SASH1: variants seen among roughly 807,000 people sequenced by gnomAD.
SASH1 encodes SAM and SH3 domain containing 1.
SASH1 carries 44 observed loss-of-function variants against 125.2 expected under a neutral mutation model. The ratio of observed to expected loss-of-function variants is 0.35; its 90% confidence interval spans 0.28 to 0.45. SASH1 has a LOEUF of 0.45. Among genes scored for constraint, SASH1 ranks in the 20% least tolerant of loss-of-function variants. The pLI is 1.00. For missense variants in SASH1, 1,426 were observed against 1,614.5 expected, an observed-to-expected ratio of 0.88 and a Z score of 2.00; for synonymous variants, 639 against 649.1, an observed-to-expected ratio of 0.98 and a Z score of 0.24.
chr6:148,271,374 A>G (rs1405835543), upstream of SASH1, among the ~76,000 whole-genome samples: 2 of 152,186 alleles, frequency 1.3e-5, no homozygotes, highest in Admixed American at 6.5e-5. Flanking sequence ...TGTCACACTC[A>G]CAATATTAAT....
intron 4 of SASH1, among the ~76,000 whole-genome samples, chr6:148,462,083 T>G (rs1270765850): frequency 6.6e-6 from 1 of 152,158 alleles, no homozygotes; most frequent in African/African-American, 2.4e-5. Flanking sequence ...GGGACTGCCT[T>G]GGCAGGCCTG....
chr6:148,470,178 A>C (rs1248790486), intron 5 of SASH1, among the ~76,000 whole-genome samples: 2 of 152,258 alleles, frequency 1.3e-5, no homozygotes, highest in East Asian at 3.8e-4. Context: ...GCCCAAAGGC[A>C]GTGGGTGATA....
At chr6:148,239,776 GCTT>G in the SASH1 span, among the ~76,000 whole-genome samples, 2 of 151,500 alleles carry the variant, frequency 1.3e-5, no homozygotes, top group African/African-American at 4.9e-5. Context: ...CTATAATAGT[GCTT>G]CTTTTTTATT....
chr6:148,512,684 C>T, intron 8 of SASH1: 1 of 985,256 alleles, frequency 1.0e-6, no homozygotes, highest in South Asian at 4.7e-5. Flanking sequence ...AGCCTGTCCC[C>T]ACCGTTACCT....
chr6:148,544,349 C>A lies in SASH1; in HGVS notation c.2879C>A (p.Thr960Lys), dbSNP rs938733662. ...GHRKGHEFEG[T>K]HHPLGTKEGV... ...AGAAAAGGACACGAGTTTGAAGGAA[C>A]ACACCATCCCCTGGGCACCAAAGAA... The change falls in exon 18 of 20, where the codon ACA becomes AAA. Residue 960 changes from threonine (T) to lysine (K), a missense_variant. By Grantham distance (78) the Thr-to-Lys change is moderately conservative (BLOSUM62 -1). Coordinates refer to ENST00000367467, the MANE Select transcript of SASH1 (RefSeq NM_015278.5). The surrounding 1 kb of genome is among the most constrained non-coding windows in gnomAD (Gnocchi z 6.4). 4 of 1,614,178 alleles carry A rather than the reference C, an allele frequency of 2.5e-6. No homozygotes were observed. The highest frequency in any genetic ancestry group is 3.4e-6 in the Non-Finnish European group (4 of 1,180,040).
At chr6:148,362,984 T>A (rs1782297518) in intron 1 of SASH1, among the ~76,000 whole-genome samples, 1 of 151,852 alleles carries the variant, frequency 6.6e-6, no homozygotes, top group Non-Finnish European at 1.5e-5. Context: ...GGAGAGAGGG[T>A]GTGGAGAGAA....
chr6:148,535,302 G>T (rs1781775860), intron 16 of SASH1, among the ~76,000 whole-genome samples: 2 of 152,172 alleles, frequency 1.3e-5, no homozygotes, highest in South Asian at 2.1e-4. Flanking sequence ...TGGAATTACA[G>T]TTTTCCCAAA....
chr6:148,252,311 C>T, the SASH1 span, among the ~76,000 whole-genome samples: 1 of 151,948 alleles, frequency 6.6e-6, no homozygotes, highest in Admixed American at 6.6e-5. Context: ...ACATTATAAC[C>T]TATAACAAGC....
intron 2 of SASH1, among the ~76,000 whole-genome samples, chr6:148,407,140 CA>C (rs376127995): frequency 2.2e-4 from 34 of 152,250 alleles, no homozygotes; most frequent in African/African-American, 7.9e-4. Context: ...TCAGTGACAG[CA>C]TAATCACATG....
At chr6:148,433,163 A>G (rs1409665343) in intron 2 of SASH1, among the ~76,000 whole-genome samples, 2 of 152,226 alleles carry the variant, frequency 1.3e-5, no homozygotes, top group Non-Finnish European at 2.9e-5. Context: ...CCAATCTGAC[A>G]ATAAATGCAT....
intron 1 of SASH1, among the ~76,000 whole-genome samples, chr6:148,328,501 G>A (rs950850765): frequency 3.3e-5 from 5 of 151,958 alleles, no homozygotes; most frequent in Non-Finnish European, 5.9e-5. Flanking sequence ...GCTGAGGCAG[G>A]AGAATTGCTT....
chr6:148,467,724 G>C (rs1342282244), intron 4 of SASH1, among the ~76,000 whole-genome samples: 1 of 152,134 alleles, frequency 6.6e-6, no homozygotes, highest in Admixed American at 6.5e-5. Flanking sequence ...ATTGCATGAG[G>C]TCAGGAGTTC....
At chr6:148,493,534 CA>C (rs1444465514) in intron 8 of SASH1, among the ~76,000 whole-genome samples, 1 of 152,170 alleles carries the variant, frequency 6.6e-6, no homozygotes, top group Non-Finnish European at 1.5e-5. Context: ...ATGCCCAGGC[CA>C]TGAAAGTTTT....
intron 2 of SASH1, among the ~76,000 whole-genome samples, chr6:148,392,935 C>T (rs1458204038): frequency 6.6e-6 from 1 of 152,062 alleles, no homozygotes; most frequent in Non-Finnish European, 1.5e-5. Flanking sequence ...TCATTAGGCT[C>T]TCCTGTTGAA....
chr6:148,407,884 C>T (rs538793566), intron 2 of SASH1, among the ~76,000 whole-genome samples: 6 of 152,212 alleles, frequency 3.9e-5, no homozygotes, highest in African/African-American at 9.6e-5. Context: ...CCACCCGCCT[C>T]GGCCTCCCAA....
At chr6:148,451,144 T>A (rs960576332) in intron 4 of SASH1, among the ~76,000 whole-genome samples, 1 of 152,228 alleles carries the variant, frequency 6.6e-6, no homozygotes, top group African/African-American at 2.4e-5. Context: ...TTTTCTTCAG[T>A]GTCCAGAATA....
chr6:148,285,521 G>A (rs1476649845), intron 1 of SASH1, among the ~76,000 whole-genome samples: 1 of 152,166 alleles, frequency 6.6e-6, no homozygotes. Context: ...CAGTATTGAT[G>A]CTGCCCTTGC....
chr6:148,291,636 A>G lies in SASH1; in HGVS notation n.74+19259A>G, dbSNP rs375222538. On this transcript the variant is annotated intron_variant and non_coding_transcript_variant, in intron 1 of 3. Coordinates refer to the SASH1 transcript ENST00000367469. ...GAGGTCAATGCTGCATTGAGTTGTG[A>G]TCACACCGCTGCACTCTAGCCTGGG... 3.0e-4 allele frequency among the ~76,000 whole-genome samples: 46 copies of G among 152,242 alleles called. No homozygotes were observed. The South Asian group carries it at 9.3e-3, about 31-fold the overall frequency.
the SASH1 span, among the ~76,000 whole-genome samples, chr6:148,224,869 T>C: frequency 3.3e-5 from 5 of 152,146 alleles, no homozygotes; most frequent in African/African-American, 7.2e-5. Context: ...TAGGAAAAAA[T>C]AGTTATGGAA....
Sources: gnomAD v4.1 joint callset for allele counts (sites outside exome capture counted in the v4.1 genomes callset) on GRCh38, gnomAD v4.1.1 for gene constraint, Gnocchi (gnomAD v3.1) non-coding constraint, MANE v1.5 for transcripts, NCBI Gene and HGNC (gene_info 2026-07-23, HGNC 2026-07-21) for gene names.